The following TMIGD2 variants were observed in gnomAD, a reference collection of about 807,000 sequenced individuals.
TMIGD2 encodes the protein transmembrane and immunoglobulin domain containing 2.
A neutral mutation model predicts 22.6 loss-of-function variants in TMIGD2; 18 were observed. That is an observed-to-expected ratio of 0.80 (90% CI 0.55 to 1.18). The LOEUF is 1.18. Ranked by LOEUF, TMIGD2 falls within the 50% of genes most tolerant of loss-of-function variation. TMIGD2 has a pLI of 0.00. For missense variants in TMIGD2, 361 were observed against 378.2 expected (o/e 0.95, Z 0.38); for synonymous variants, 184 against 154.1 (o/e 1.19, Z -1.44).
chr19:4,298,438 G>T, intron 1 of TMIGD2, 93 bp from the exon 2 acceptor site: 1 of 1,457,162 alleles, frequency 6.9e-7, no homozygotes, highest in Non-Finnish European at 9.0e-7. Flanking sequence ...GTCTGGGTTT[G>T]AAACCTCACT....
intron 1 of TMIGD2, among the ~76,000 whole-genome samples, chr19:4,301,674 C>T (rs370284455): frequency 6.6e-6 from 1 of 151,852 alleles, no homozygotes; most frequent in Non-Finnish European, 1.5e-5. Flanking sequence ...CTTCTCAAAA[C>T]AAAACAAAAC....
At chr19:4,301,121 C>T (rs565056842) in intron 1 of TMIGD2, among the ~76,000 whole-genome samples, 6 of 152,174 alleles carry the variant, frequency 3.9e-5, no homozygotes, top group Admixed American at 2.6e-4. Flanking sequence ...TACAGGCACT[C>T]GCTACCACGC....
chr19:4,298,035 A>G (rs1971484614), exon 2 of TMIGD2: 2 of 1,612,302 alleles, frequency 1.2e-6, no homozygotes, highest in Non-Finnish European at 1.7e-6. Context: ...CCTCCAACTC[A>G]GGAATCTCTA....
intron 2 of TMIGD2, 92 bp downstream of exon 2, chr19:4,297,894 G>C: frequency 7.2e-7 from 1 of 1,393,008 alleles, no homozygotes. Flanking sequence ...GAAGAATTTA[G>C]AGTTTTTTGT....
chr19:4,292,746 C>A (rs762274173), exon 5 of TMIGD2: 13 of 1,609,534 alleles, frequency 8.1e-6, no homozygotes, highest in East Asian at 2.2e-5. Context: ...ACGCCAGGTG[C>A]GGCTGGCGGG....
chr19:4,293,608 G>A (rs559813647), intron 4 of TMIGD2, among the ~76,000 whole-genome samples: 38 of 146,034 alleles, frequency 2.6e-4, no homozygotes, highest in Non-Finnish European at 5.4e-4. Flanking sequence ...TTGTTTGTTT[G>A]TTTTTTGAGA....
exon 5 of TMIGD2, chr19:4,292,737 C>T (rs763863895): frequency 7.5e-6 from 12 of 1,609,926 alleles, no homozygotes; most frequent in Admixed American, 5.1e-5. Context: ...AGGGTCTTGA[C>T]GCCAGGTGCG....
chr19:4,292,897 G>T lies in TMIGD2; in HGVS notation c.563-12C>A. Reference sequence around the variant, plus strand: ...GTAGAATGCATTTCCTAGGATGGATGACACAGACCAAGAGGATCACTTAAG... The same window carrying T: ...GTAGAATGCATTTCCTAGGATGGATTACACAGACCAAGAGGATCACTTAAG... On this transcript the variant is annotated splice_polypyrimidine_tract_variant and intron_variant, in intron 4 of 4. Coordinates refer to ENST00000301272, the Ensembl canonical transcript of TMIGD2. 1 of 1,613,234 alleles carries T rather than the reference G, an allele frequency of 6.2e-7. No homozygotes were observed. Among genetic ancestry groups the T allele is most frequent in the South Asian group, 1.1e-5 (1 of 91,048 alleles).
chr19:4,293,525 G>C (rs971151295), intron 4 of TMIGD2, among the ~76,000 whole-genome samples: 9 of 151,304 alleles, frequency 5.9e-5, no homozygotes, highest in African/African-American at 2.2e-4. Flanking sequence ...CTCCCAAAAT[G>C]CTGGGATTAC....
exon 2 of TMIGD2, chr19:4,298,281 G>A: frequency 1.2e-6 from 2 of 1,609,034 alleles, no homozygotes. Flanking sequence ...TCGCCTGACT[G>A]CCCTGCCTCA....
In TMIGD2 at chr19:4,295,569, A is replaced by G. The variant is rs1971452189; in HGVS notation, c.407-753T>C. Among the ~76,000 whole-genome samples the G allele has an allele frequency of 3.3e-5, 5 of 152,036 alleles. No individual in the cohort carries two copies. In the South Asian group the frequency reaches 1.0e-3, roughly 32 times the overall value. On this transcript the variant is annotated intron_variant, in intron 2 of 4. Transcript: ENST00000301272. ...AGCGAGACTGTCTCGAAAAAAAAAAAGAAAAATGAGGCTCATCGTCCCTGT... is the reference window on the plus strand; with the variant it reads ...AGCGAGACTGTCTCGAAAAAAAAAAGGAAAAATGAGGCTCATCGTCCCTGT...
chr19:4,292,955 G>T, intron 4 of TMIGD2, 70 bp from the exon 5 acceptor site: 5 of 1,560,362 alleles, frequency 3.2e-6, no homozygotes, highest in African/African-American at 1.5e-5. Context: ...ACCTCTGGGG[G>T]ATCTGTCTCT....
chr19:4,292,826 C>A (rs1447503367), exon 5 of TMIGD2: 1 of 1,613,804 alleles, frequency 6.2e-7, no homozygotes, highest in Admixed American at 1.7e-5. Flanking sequence ...CCAGAGCAGT[C>A]CTCACTCTTC....
chr19:4,294,072 A>ATT (rs373461638), intron 4 of TMIGD2, among the ~76,000 whole-genome samples: 1 of 132,384 alleles, frequency 7.6e-6, no homozygotes, highest in Admixed American at 7.7e-5. Flanking sequence ...TAATTTTTAA[A>ATT]TTTTTTTTTT....
intron 1 of TMIGD2, among the ~76,000 whole-genome samples, chr19:4,301,670 A>G (rs1349034440): frequency 3.3e-5 from 5 of 152,174 alleles, no homozygotes; most frequent in Non-Finnish European, 7.4e-5. Context: ...ACTCCTTCTC[A>G]AAACAAAACA....
intron 1 of TMIGD2, among the ~76,000 whole-genome samples, chr19:4,301,351 G>A (rs1971533738): frequency 6.6e-6 from 1 of 152,146 alleles, no homozygotes; most frequent in South Asian, 2.1e-4. Context: ...ACCAGCCTGG[G>A]CAACATAGTG....
intron 2 of TMIGD2, among the ~76,000 whole-genome samples, chr19:4,295,906 C>T (rs545288097): frequency 1.3e-5 from 2 of 152,052 alleles, no homozygotes; most frequent in African/African-American, 4.8e-5. Context: ...CTGTGCTAAG[C>T]ATTGTTTTGT....
At position 4,298,286 on chromosome 19, in the gene TMIGD2, G is replaced by A. The variant is rs562919856; in HGVS notation, c.106C>T (p.Gln36Ter). 1.2e-6 allele frequency: 2 copies of A among 1,607,554 alleles called. No individual in the cohort carries two copies. Among genetic ancestry groups the A allele is most frequent in the East Asian group, 2.2e-5 (1 of 44,838 alleles). The change falls in exon 2 of 5, where the codon CAG becomes TAG. Residue 36 changes from glutamine to a stop codon, truncating the protein, a stop_gained. Transcript: ENST00000301272. LOFTEE classifies it high-confidence loss of function. ...CAGACCAGGGTCGCCTGACTGCCCT[G>A]CCTCACCTGCAGCAAGTTGGGCCCC... is the stretch of plus-strand genomic sequence containing the variant.
At position 4,295,876 on chromosome 19, in the gene TMIGD2, AACTT is replaced by A. The variant is rs1361902842; in HGVS notation, c.407-1064_407-1061del. Among the ~76,000 whole-genome samples, 3 of 152,180 alleles carry A rather than the reference AACTT, an allele frequency of 2.0e-5. No homozygotes were observed. The East Asian group carries it at 5.8e-4, about 29-fold the overall frequency. On this transcript the variant is annotated intron_variant, in intron 2 of 4. Coordinates refer to ENST00000301272, the Ensembl canonical transcript of TMIGD2. ...GATCCTAACACTGAAGTTCCTTGAG[AACTT>A]ACTATGTCTCAGGCCCTGTGCTAAG...
Sources: allele counts gnomAD v4.1 joint callset (sites outside exome capture counted in the v4.1 genomes callset), GRCh38; gene constraint gnomAD v4.1.1; transcripts MANE v1.5; gene names NCBI Gene and HGNC (gene_info 2026-07-23, HGNC 2026-07-21).